Variants in CNGB3 observed in about 807,000 individuals in gnomAD.
CNGB3 encodes the protein cyclic nucleotide gated channel subunit beta 3.
In CNGB3, 86 loss-of-function variants were observed where a neutral mutation model predicts 92.8. The ratio of observed to expected loss-of-function variants is 0.93; its 90% CI spans 0.78 to 1.11. The LOEUF (loss-of-function observed/expected upper bound fraction) is 1.11, where lower values mean the gene tolerates loss of function less well. Among genes scored for constraint, CNGB3 ranks in the 50% least tolerant of loss-of-function variants. CNGB3 has a pLI of 0.00. For synonymous variants in CNGB3, 333 were observed against 332.7 expected (o/e 1.00, Z -0.01); for missense variants, 1,026 against 956.8 (o/e 1.07, Z -0.95).
chr8:86,666,867 G>A lies in CNGB3; in HGVS notation c.852+58C>T, dbSNP rs1406360763. The A allele has an allele frequency of 2.7e-5, 37 of 1,354,074 alleles. 1 individual carries two copies. In the Middle Eastern group the frequency reaches 7.5e-4, roughly 28 times the overall value. The allele number at this position is 1,354,074 out of a possible 1,614,324, so 83.9% of individuals were successfully genotyped here. A position where few individuals can be genotyped will look rare whatever the true frequency, so the allele number is the denominator to read the frequency against. ...AAATAAAACAATGCTGTTACTTTTT[G>A]TAGCCCAATTAGATGTTATTCACGT... On this transcript the variant is annotated intron_variant, in intron 6 of 17. Transcript: ENST00000320005.
At chr8:86,658,798 G>T in intron 6 of CNGB3, 1 of 547,512 alleles carries the variant, frequency 1.8e-6, no homozygotes, top group Non-Finnish European at 3.3e-6. Context: ...TGCTCTTTGA[G>T]CTCACCATTC....
At chr8:86,727,194 CAT>C (rs1213959328) in intron 2 of CNGB3, among the ~76,000 whole-genome samples, 3 of 152,102 alleles carry the variant, frequency 2.0e-5, no homozygotes, top group African/African-American at 4.8e-5. Flanking sequence ...TTATGCAGCA[CAT>C]GATTGTAATT....
At chr8:86,646,781 A>C (rs981230010) in intron 8 of CNGB3, among the ~76,000 whole-genome samples, 2 of 151,244 alleles carry the variant, frequency 1.3e-5, no homozygotes, top group African/African-American at 4.8e-5. Flanking sequence ...AAAGATTTAC[A>C]TGAAATTTCA....
intron 3 of CNGB3, among the ~76,000 whole-genome samples, chr8:86,725,278 T>G (rs961369787): frequency 6.6e-6 from 1 of 152,128 alleles, no homozygotes; most frequent in Non-Finnish European, 1.5e-5. Flanking sequence ...TAGTCTAATA[T>G]TAGGAGAGCT....
chr8:86,667,062 G>T lies in CNGB3; in HGVS notation c.715C>A (p.Arg239Ser), dbSNP rs200019416. The stretch of plus-strand genomic sequence containing the variant: ...GCGGTTTGATATGGGAAGACGAGGC[G>T]CAGTGGTATAAAACAGCAGTTCCAG... ...YNWNCCFIPLRLVFPYQTADN... is the reference protein window; with the variant it reads ...YNWNCCFIPLSLVFPYQTADN... Residue 239 changes from arginine (R) to serine (S), a missense_variant, in exon 6 of 18, where the codon CGC (arginine) becomes AGC (serine). Physicochemically the swap from Arg to Ser is moderately radical, Grantham distance 110. Transcript: ENST00000320005. 4.3e-6 allele frequency: 7 copies of T among 1,613,988 alleles called. No homozygotes were observed. Among genetic ancestry groups the T allele is most frequent in the Non-Finnish European group, 5.9e-6 (7 of 1,179,934 alleles).
At chr8:86,676,456 G>A (rs1823970235) in intron 3 of CNGB3, among the ~76,000 whole-genome samples, 2 of 152,300 alleles carry the variant, frequency 1.3e-5, no homozygotes, top group South Asian at 4.1e-4. Flanking sequence ...CCTAAAATTT[G>A]TCTTGAATGG....
At chr8:86,599,089 C>T (rs1422043724) in intron 15 of CNGB3, among the ~76,000 whole-genome samples, 5 of 152,218 alleles carry the variant, frequency 3.3e-5, no homozygotes, top group South Asian at 4.2e-4. Flanking sequence ...ACGGAGGGAC[C>T]GGCTGAAGCC....
intron 3 of CNGB3, among the ~76,000 whole-genome samples, chr8:86,718,253 A>T (rs1824901694): frequency 6.6e-6 from 1 of 152,180 alleles, no homozygotes; most frequent in South Asian, 2.1e-4. Context: ...AAGATAAATA[A>T]AATTCACAGA....
intron 3 of CNGB3, among the ~76,000 whole-genome samples, chr8:86,705,473 G>T (rs953062064): frequency 6.6e-6 from 1 of 152,022 alleles, no homozygotes; most frequent in Non-Finnish European, 1.5e-5. Flanking sequence ...ACATTACATG[G>T]CAAAAGGAAT....
rs144200565 is a variant in CNGB3, at chr8:86,673,494, G to A, written c.339-2396C>T. 4.5e-3 allele frequency among the ~76,000 whole-genome samples: 691 copies of A among 152,220 alleles called. 4 individuals carry two copies. The highest frequency in any genetic ancestry group is 0.01 in the Middle Eastern group (3 of 294). ...GGTATGGAAAGGAAAGGTGAGTGAA[G>A]TCAGGTTATGATGGTCCCATGTGAT... On this transcript the variant is annotated intron_variant, in intron 3 of 17. Transcript: ENST00000320005.
intron 3 of CNGB3, among the ~76,000 whole-genome samples, chr8:86,680,815 G>T (rs527574996): frequency 1.3e-5 from 2 of 152,194 alleles, no homozygotes; most frequent in East Asian, 3.9e-4. Context: ...AGTGAGAGGA[G>T]GTTGTGGGAC....
At chr8:86,616,150 A>AT (rs751950200) in intron 13 of CNGB3, among the ~76,000 whole-genome samples, 12 of 152,180 alleles carry the variant, frequency 7.9e-5, no homozygotes, top group Admixed American at 7.9e-4. Flanking sequence ...GACGGCTTGG[A>AT]TTTTCTCAGA....
chr8:86,739,506 T>C (rs1221635297), intron 2 of CNGB3, 149 bp downstream of exon 2: 8 of 1,278,888 alleles, frequency 6.3e-6, no homozygotes, highest in Non-Finnish European at 8.5e-6. Flanking sequence ...TATAAAGTTT[T>C]TGAAATATTC....
At chr8:86,688,600 G>A (rs566300061) in intron 3 of CNGB3, among the ~76,000 whole-genome samples, 4 of 151,984 alleles carry the variant, frequency 2.6e-5, no homozygotes, top group Admixed American at 6.6e-5. Context: ...CCAACTTCTT[G>A]GCATATAGTT....
chr8:86,590,222 C>A (rs1359111751), intron 15 of CNGB3, among the ~76,000 whole-genome samples: 1 of 151,756 alleles, frequency 6.6e-6, no homozygotes, highest in Non-Finnish European at 1.5e-5. Context: ...TTATTTTGAG[C>A]CTATGTGTGT....
chr8:86,668,512 A>T (rs1043109143), intron 4 of CNGB3, among the ~76,000 whole-genome samples: 1 of 152,202 alleles, frequency 6.6e-6, no homozygotes, highest in Non-Finnish European at 1.5e-5. Context: ...GAATTTCTTA[A>T]AGTCGGAACG....
intron 15 of CNGB3, among the ~76,000 whole-genome samples, chr8:86,583,893 G>C (rs1158333412): frequency 8.5e-6 from 1 of 117,884 alleles, no homozygotes; most frequent in Admixed American, 1.2e-4. Context: ...ATACACTCCA[G>C]ACTGGGTGAC....
intron 3 of CNGB3, among the ~76,000 whole-genome samples, chr8:86,705,917 A>G (rs1308312379): frequency 1.3e-5 from 2 of 152,250 alleles, no homozygotes; most frequent in African/African-American, 4.8e-5. Context: ...AAACCAAGAC[A>G]GAAACTTTTT....
At chr8:86,660,780 A>G (rs1823625812) in intron 6 of CNGB3, 1 of 518,012 alleles carries the variant, frequency 1.9e-6, no homozygotes, top group Non-Finnish European at 4.0e-6. Flanking sequence ...GGAGGATAAA[A>G]TGGAAAATTG....
Sources: allele counts gnomAD v4.1 joint callset (sites outside exome capture counted in the v4.1 genomes callset), GRCh38; gene constraint gnomAD v4.1.1; transcripts MANE v1.5; gene names NCBI Gene and HGNC (gene_info 2026-07-23, HGNC 2026-07-21).